The following PPP2R3C variants were observed in gnomAD, a reference collection of about 807,000 sequenced individuals.
PPP2R3C encodes serine/threonine-protein phosphatase 2A regulatory subunit B'' subunit gamma.
In PPP2R3C, 47 loss-of-function variants were observed where a neutral mutation model predicts 63.7. The ratio of observed to expected loss-of-function variants is 0.74; its 90% CI spans 0.58 to 0.94. The LOEUF (loss-of-function observed/expected upper bound fraction) is 0.94, where lower values mean the gene tolerates loss of function less well. Ranked by LOEUF, PPP2R3C falls within the 40% of genes least tolerant of loss-of-function variation. The pLI is 0.00. For missense variants in PPP2R3C, 421 were observed against 518.4 expected (o/e 0.81, Z 1.82); for synonymous variants, 180 against 177.4 (o/e 1.01, Z -0.12).
In PPP2R3C at chr14:35,103,061, G is replaced by A. The variant is rs544585322; in HGVS notation, c.574-3677C>T. Among the ~76,000 whole-genome samples, 14 of 152,232 alleles carry A rather than the reference G, an allele frequency of 9.2e-5. No homozygotes were observed. In the East Asian group the frequency reaches 2.5e-3, roughly 27 times the overall value. On this transcript the variant is annotated intron_variant, in intron 6 of 12. Coordinates refer to ENST00000261475, the MANE Select transcript of PPP2R3C (RefSeq NM_017917.4). ...CGGGCATGAGCCACCGTGCCTGGCC[G>A]TACTTTGAGTTCCTTACATCCTCCA...
chr14:35,089,909 C>A (rs577797344), intron 11 of PPP2R3C, among the ~76,000 whole-genome samples: 64 of 152,198 alleles, frequency 4.2e-4, no homozygotes, highest in Admixed American at 1.0e-3. Context: ...TTGCGATCCG[C>A]CCACCCTGGC....
At chr14:35,122,046 C>A, upstream of PPP2R3C, 1 of 1,498,156 alleles carries the variant, frequency 6.7e-7, no homozygotes, top group South Asian at 1.1e-5. Context: ...CGCCAGGCCC[C>A]GTAAAGGTTA....
rs771006343 is a variant in PPP2R3C, at chr14:35,096,585, A to C, written c.811T>G (p.Ser271Ala). 3.7e-6 allele frequency: 6 copies of C among 1,613,842 alleles called. No individual in the cohort carries two copies. Among genetic ancestry groups the C allele is most frequent in the Non-Finnish European group, 5.1e-6 (6 of 1,179,836 alleles). Residue 271 changes from serine to alanine, a missense_variant, in exon 9 of 13, where the codon TCT becomes GCT. Around this residue, in one of 3 missense-constraint regions of PPP2R3C, gnomAD observed 231 missense variants for 264.8 expected, o/e 0.87. Coordinates refer to ENST00000261475, the MANE Select transcript of PPP2R3C (RefSeq NM_017917.4). ...TAAACTCTTAGGGCAGAAGGAGCAGAAAACCAATTTGTTTCTTGACTCTCC... is the reference window on the plus strand; with the variant it reads ...TAAACTCTTAGGGCAGAAGGAGCAGCAAACCAATTTGTTTCTTGACTCTCC... ...SKESQETNWF[S>A]APSALRVYGQ...
Position 35,085,676 on chromosome 14 carries a change from C to A in PPP2R3C, c.1276G>T (p.Asp426Tyr), listed in dbSNP as rs766915955. Reference sequence around the variant, plus strand: ...TCGTAAGTCCAGAAGCCATTCAAATCGATTAGAATGGTGGTTACTGTGTCT... The same window carrying A: ...TCGTAAGTCCAGAAGCCATTCAAATAGATTAGAATGGTGGTTACTGTGTCT... ...QGDTVTTILI[D>Y]LNGFWTYENR... The change falls in exon 13 of 13, where the codon GAT (aspartate) becomes TAT (tyrosine). Residue 426 changes from aspartate (D) to tyrosine (Y), a missense_variant. Coordinates refer to ENST00000261475, the MANE Select transcript of PPP2R3C (RefSeq NM_017917.4). 1.2e-6 allele frequency: 2 copies of A among 1,613,414 alleles called. No homozygotes were observed. Among genetic ancestry groups the A allele is most frequent in the Non-Finnish European group, 1.7e-6 (2 of 1,179,514 alleles).
intron 4 of PPP2R3C, among the ~76,000 whole-genome samples, chr14:35,109,227 T>C (rs991462926): frequency 6.6e-6 from 1 of 152,006 alleles, no homozygotes; most frequent in Admixed American, 6.6e-5. Context: ...CAGCTAATTT[T>C]TGTATTTTTA....
At position 35,109,807 on chromosome 14, in the gene PPP2R3C, T is replaced by C. The variant is rs1244344984; in HGVS notation, c.404+12A>G. ...ACATAACACATTCTTTTGTTAATTA[T>C]ATTATTCTTACTTGCACTTTGCTCC... is the stretch of plus-strand genomic sequence containing the variant. On this transcript the variant is annotated intron_variant, in intron 4 of 12. Transcript: ENST00000261475. The C allele has an allele frequency of 1.6e-5, 24 of 1,536,678 alleles. No individual in the cohort carries two copies. The highest frequency in any genetic ancestry group is 2.2e-5 in the Non-Finnish European group (24 of 1,113,862).
chr14:35,122,269 T>G (rs2046934947), upstream of PPP2R3C: 1 of 385,054 alleles, frequency 2.6e-6, no homozygotes. Context: ...TCCTTTATCG[T>G]GTGCCTTTGG....
chr14:35,120,820 C>T (rs2046857414), intron 1 of PPP2R3C, among the ~76,000 whole-genome samples: 1 of 152,040 alleles, frequency 6.6e-6, no homozygotes, highest in African/African-American at 2.4e-5. Flanking sequence ...GTGGCGTGTG[C>T]CTGTACTTCT....
At chr14:35,093,687 C>T (rs1358271235) in intron 10 of PPP2R3C, among the ~76,000 whole-genome samples, 4 of 151,972 alleles carry the variant, frequency 2.6e-5, no homozygotes, top group African/African-American at 9.6e-5. Context: ...CGCTCAGTTG[C>T]CCAGGCTGGA....
At chr14:35,102,994 A>G (rs1166160283) in intron 6 of PPP2R3C, among the ~76,000 whole-genome samples, 1 of 152,124 alleles carries the variant, frequency 6.6e-6, no homozygotes, top group Admixed American at 6.6e-5. Flanking sequence ...TCCCGAGCTC[A>G]AGCGATCCAC....
chr14:35,103,358 A>G (rs530650879), intron 6 of PPP2R3C, among the ~76,000 whole-genome samples: 2 of 152,246 alleles, frequency 1.3e-5, no homozygotes, highest in East Asian at 3.9e-4. Context: ...TCTATACTAC[A>G]TCTTCATAAG....
intron 10 of PPP2R3C, among the ~76,000 whole-genome samples, chr14:35,094,733 C>T (rs1177904633): frequency 6.6e-6 from 1 of 152,058 alleles, no homozygotes. Flanking sequence ...GGAGGCAGAT[C>T]ACCTGAGGTC....
chr14:35,117,677 C>T (rs1193128332), intron 1 of PPP2R3C, among the ~76,000 whole-genome samples: 6 of 152,060 alleles, frequency 3.9e-5, no homozygotes, highest in South Asian at 4.1e-4. Flanking sequence ...TTTATGACTG[C>T]ATTTCTGCTG....
At chr14:35,121,514 T>TA (rs934508792) in intron 1 of PPP2R3C, among the ~76,000 whole-genome samples, 1 of 151,464 alleles carries the variant, frequency 6.6e-6, no homozygotes, top group African/African-American at 2.4e-5. Flanking sequence ...AGGAGAAAAA[T>TA]AAAAGGAAAA....
chr14:35,103,162 C>T (rs975709779), intron 6 of PPP2R3C, among the ~76,000 whole-genome samples: 6 of 152,164 alleles, frequency 3.9e-5, no homozygotes, highest in Non-Finnish European at 5.9e-5. Context: ...GATGGTTTCC[C>T]GTTAGCCTCA....
At chr14:35,090,180 C>A (rs1339646435) in intron 11 of PPP2R3C, among the ~76,000 whole-genome samples, 1 of 150,514 alleles carries the variant, frequency 6.6e-6, no homozygotes, top group East Asian at 1.9e-4. Flanking sequence ...AGATGCTAAG[C>A]AGTTCAGAAA....
intron 12 of PPP2R3C, chr14:35,087,663 G>A (rs940527349): frequency 9.2e-6 from 3 of 327,756 alleles, no homozygotes; most frequent in Non-Finnish European, 1.7e-5. Context: ...GCCTCCCAAC[G>A]TGCTGGGATT....
chr14:35,107,494 A>C, intron 5 of PPP2R3C, 120 bp from the exon 6 acceptor site: 1 of 766,756 alleles, frequency 1.3e-6, no homozygotes, highest in Non-Finnish European at 2.2e-6. Flanking sequence ...ATTTCTTCTC[A>C]CCACAAAATT....
intron 2 of PPP2R3C, 118 bp downstream of exon 2, chr14:35,116,492 T>C (rs1366511776): frequency 2.8e-6 from 2 of 712,838 alleles, no homozygotes; most frequent in Non-Finnish European, 4.1e-6. Context: ...TGGACTCAAG[T>C]GATCCTCCCG....
Sources: gnomAD v4.1 joint callset for allele counts (sites outside exome capture counted in the v4.1 genomes callset) on GRCh38, gnomAD v4.1.1 for gene constraint, gnomAD v4.1.1 regional missense constraint, MANE v1.5 for transcripts, NCBI Gene and HGNC (gene_info 2026-07-23, HGNC 2026-07-21) for gene names.